Variants in ZMYND8 observed in about 807,000 individuals in gnomAD.
ZMYND8 encodes MYND-type zinc finger-containing chromatin reader ZMYND8.
A neutral mutation model predicts 140.8 loss-of-function variants in ZMYND8; 37 were observed. The observed-to-expected ratio is 0.26, with a 90% CI of 0.20 to 0.35. The LOEUF (loss-of-function observed/expected upper bound fraction) is 0.35. Among genes scored for constraint, ZMYND8 ranks in the 10% least tolerant of loss-of-function variants. The pLI, the probability that ZMYND8 is intolerant of heterozygous loss-of-function variation, is 1.00. For missense variants in ZMYND8, 1,068 were observed against 1,570.0 expected (o/e 0.68, Z 5.40); for synonymous variants, 592 against 597.1 (o/e 0.99, Z 0.12).
chr20:47,333,674 C>A (rs186163128), intron 2 of ZMYND8, among the ~76,000 whole-genome samples: 1 of 126,486 alleles, frequency 7.9e-6, no homozygotes, highest in African/African-American at 3.0e-5. Flanking sequence ...TGCAGTGACA[C>A]GAGATAGTGC....
In ZMYND8 at chr20:47,246,150, A is replaced by G. The variant is rs1310215090; in HGVS notation, c.2142T>C (p.Asp714=). 6.2e-7 allele frequency: 1 copy of G among 1,614,140 alleles called. No homozygotes were observed. Among genetic ancestry groups the G allele is most frequent in the Admixed American group, 1.7e-5 (1 of 60,014 alleles). The change falls in exon 14 of 23, where the codon GAT becomes GAC. Residue 714 remains aspartate, a synonymous_variant. Coordinates refer to ENST00000471951, the MANE Select transcript of ZMYND8 (RefSeq NM_001281775.3). Reference sequence around the variant, plus strand: ...AATGGACTGTTGGGGAATCCGTCTCATCTTTTCCCTTCAGTTTATCCTTTA... The same window carrying G: ...AATGGACTGTTGGGGAATCCGTCTCGTCTTTTCCCTTCAGTTTATCCTTTA... ...HPIKDKLKGK[D]ETDSPTVHLG...
rs949388622 is a variant in ZMYND8 at position 47,250,039 on chromosome 20, C to T, written c.1622-600G>A. ...CCAGCCAGTGTGTTGTGGCTCACAG[C>T]ATCTATGTGAGGCAAGGGGAACAGA... On this transcript the variant is annotated intron_variant, in intron 12 of 22. Coordinates refer to ENST00000471951, the MANE Select transcript of ZMYND8 (RefSeq NM_001281775.3). Among the ~76,000 whole-genome samples the T allele has an allele frequency of 2.6e-5, 4 of 152,114 alleles. No homozygotes were observed. In the South Asian group the frequency reaches 8.3e-4, roughly 32 times the overall value.
chr20:47,279,561 A>T (rs2076474170), intron 10 of ZMYND8, among the ~76,000 whole-genome samples: 2 of 147,732 alleles, frequency 1.4e-5, no homozygotes, highest in African/African-American at 5.0e-5. Context: ...TTGACAAAAT[A>T]GAGTCTCTGC....
chr20:47,289,226 T>G (rs569203935), intron 7 of ZMYND8, among the ~76,000 whole-genome samples: 1 of 152,168 alleles, frequency 6.6e-6, no homozygotes, highest in African/African-American at 2.4e-5. Flanking sequence ...CCACTGATCA[T>G]TAGGAAAAGG....
chr20:47,210,439 T>G lies in ZMYND8; in HGVS notation c.*322A>C, dbSNP rs1394539741. The G allele has an allele frequency of 5.8e-6, 1 of 172,260 alleles. No homozygotes were observed. Among genetic ancestry groups the G allele is most frequent in the Non-Finnish European group, 1.2e-5 (1 of 81,850 alleles). The allele number at this position is 172,260 out of a possible 1,614,324, so 10.7% of individuals were successfully genotyped here. Reference sequence around the variant, plus strand: ...TTTTTTTTTTTTTTTAAATCGTTTTTCTTTTTCTTTTTTTTTTTTTAATAA... The same window carrying G: ...TTTTTTTTTTTTTTTAAATCGTTTTGCTTTTTCTTTTTTTTTTTTTAATAA... On this transcript the variant is annotated 3_prime_UTR_variant, in exon 23 of 23. Coordinates refer to ENST00000471951, the MANE Select transcript of ZMYND8 (RefSeq NM_001281775.3).
At chr20:47,213,761 G>A (rs2035638174) in intron 21 of ZMYND8, among the ~76,000 whole-genome samples, 1 of 152,180 alleles carries the variant, frequency 6.6e-6, no homozygotes, top group African/African-American at 2.4e-5. Context: ...TCAGTAGTGT[G>A]GGAAGAGGAA....
chr20:47,336,637 T>C (rs2081406730), intron 2 of ZMYND8, among the ~76,000 whole-genome samples: 2 of 152,262 alleles, frequency 1.3e-5, no homozygotes, highest in Admixed American at 6.5e-5. Flanking sequence ...CAATGAATTG[T>C]GCCTTGGCCA....
rs2035101224 is a variant in ZMYND8 at position 47,210,588 on chromosome 20, A to AT, written c.*172dup. ...GGTGAACAGTCTGCAGTCAAAGCCG[A>AT]TGCTGGGTGTCCTGTAGTGTAGCAG... On this transcript the variant is annotated 3_prime_UTR_variant, in exon 23 of 23. Coordinates refer to ENST00000471951, the MANE Select transcript of ZMYND8 (RefSeq NM_001281775.3). 1 of 906,404 alleles carries AT rather than the reference A, an allele frequency of 1.1e-6. No individual in the cohort carries two copies. The highest frequency in any genetic ancestry group is 1.7e-5 in the African/African-American group (1 of 60,102). 56.1% of individuals were successfully genotyped at this position (906,404 alleles called of 1,614,324 possible).
At chr20:47,321,350 G>A (rs1051523345) in intron 2 of ZMYND8, among the ~76,000 whole-genome samples, 1 of 152,198 alleles carries the variant, frequency 6.6e-6, no homozygotes, top group Non-Finnish European at 1.5e-5. Flanking sequence ...GGCAATGTCT[G>A]GGGACATTTT....
chr20:47,271,422 G>A (rs6066263), intron 11 of ZMYND8, among the ~76,000 whole-genome samples: 41,264 of 152,050 alleles, frequency 0.27, 5,661 homozygotes, highest in Non-Finnish European at 0.3. Context: ...AGAAAAGTCC[G>A]CACCCCTTGG....
At chr20:47,321,832 T>C (rs1236199069) in intron 2 of ZMYND8, among the ~76,000 whole-genome samples, 5 of 151,022 alleles carry the variant, frequency 3.3e-5, no homozygotes, top group African/African-American at 9.7e-5. Flanking sequence ...AATACAAATA[T>C]CGATTTATTT....
chr20:47,211,056 T>C (rs2035174163), intron 22 of ZMYND8, among the ~76,000 whole-genome samples, 159 bp from the exon 23 acceptor site: 1 of 152,222 alleles, frequency 6.6e-6, no homozygotes, highest in African/African-American at 2.4e-5. Context: ...TCTGTGGGTC[T>C]GTAGAACAGA....
rs2082834837 is a variant in ZMYND8, at chr20:47,352,119, G to T, written c.15-4193C>A. 4.6e-6 allele frequency: 3 copies of T among 653,822 alleles called. No individual in the cohort carries two copies. In the African/African-American group the frequency reaches 5.9e-5, roughly 13 times the overall value. 40.5% of individuals were successfully genotyped at this position (653,822 alleles called of 1,614,324 possible). A position where few individuals can be genotyped will look rare whatever the true frequency, so the allele number is the denominator to read the frequency against. ...TGGCACAAACTGCAGACGGACAGGT[G>T]TCTGTGCAAACACAAAAATGTTCCC... On this transcript the variant is annotated intron_variant, in intron 1 of 22. Coordinates refer to ENST00000471951, the MANE Select transcript of ZMYND8 (RefSeq NM_001281775.3).
chr20:47,221,613 G>A, intron 19 of ZMYND8, 139 bp from the exon 20 acceptor site: 1 of 1,031,396 alleles, frequency 9.7e-7, no homozygotes, highest in Non-Finnish European at 1.3e-6. Flanking sequence ...GCTCAAGGGG[G>A]CCAGATTGCC....
intron 1 of ZMYND8, chr20:47,354,337 T>C (rs990062525): frequency 6.6e-6 from 1 of 152,138 alleles, no homozygotes; most frequent in African/African-American, 2.4e-5. Flanking sequence ...ATGCAAACGT[T>C]GAAGGCACCA....
chr20:47,219,081 A>G (rs182147360), intron 21 of ZMYND8, among the ~76,000 whole-genome samples: 66 of 71,626 alleles, frequency 9.2e-4, no homozygotes, highest in African/African-American at 2.7e-3. Context: ...TTTTTGAGAG[A>G]GAGTCTCGCT....
At chr20:47,270,838 G>A (rs1355385863) in intron 11 of ZMYND8, among the ~76,000 whole-genome samples, 1 of 152,124 alleles carries the variant, frequency 6.6e-6, no homozygotes, top group South Asian at 2.1e-4. Flanking sequence ...AGCACTTTGG[G>A]AGGCAGAGGC....
At chr20:47,220,367 C>A (rs750702554) in intron 20 of ZMYND8, 43 bp from the exon 21 acceptor site, 1 of 1,481,928 alleles carries the variant, frequency 6.7e-7, no homozygotes, top group South Asian at 1.2e-5. Context: ...GGCACTGAGG[C>A]TACTGTCGCC....
intron 11 of ZMYND8, among the ~76,000 whole-genome samples, chr20:47,269,642 G>C (rs1369169179): frequency 2.6e-5 from 4 of 152,308 alleles, no homozygotes; most frequent in African/African-American, 9.6e-5. Flanking sequence ...CTGCGTGAAG[G>C]GTTGTTCTGA....
Sources: allele counts gnomAD v4.1 joint callset (sites outside exome capture counted in the v4.1 genomes callset), GRCh38; gene constraint gnomAD v4.1.1; transcripts MANE v1.5; gene names NCBI Gene and HGNC (gene_info 2026-07-23, HGNC 2026-07-21).